Variants in FCGR3A observed in about 807,000 individuals in gnomAD.
The protein encoded by FCGR3A is low affinity immunoglobulin gamma Fc region receptor III-A.
In FCGR3A, 13 loss-of-function variants were observed where a neutral mutation model predicts 24.1. That is an observed-to-expected ratio of 0.54 (90% CI 0.35 to 0.86). The LOEUF (loss-of-function observed/expected upper bound fraction) is 0.86, where lower values mean the gene tolerates loss of function less well. Among genes scored for constraint, FCGR3A ranks in the 40% least tolerant of loss-of-function variants. The probability of loss-of-function intolerance (pLI) is 0.01; values close to 1 mark genes in which losing one functional copy is unlikely to be tolerated. For missense variants in FCGR3A, 235 were observed against 298.0 expected, an observed-to-expected ratio of 0.79 and a Z score of 1.56; for synonymous variants, 93 against 112.2, an observed-to-expected ratio of 0.83 and a Z score of 1.08.
upstream of FCGR3A, chr1:161,549,947 G>A: frequency 1.4e-6 from 2 of 1,379,932 alleles, no homozygotes; most frequent in Non-Finnish European, 2.0e-6. Context: ...GAAGGAAAGA[G>A]CCTGGAGGCA....
chr1:161,544,841 T>A lies in FCGR3A; in HGVS notation c.437A>T (p.Lys146Ile). Residue 146 changes from lysine to isoleucine, a missense_variant, in exon 4 of 5, where the codon AAA becomes ATA. Transcript: ENST00000443193. ...LHKVTYLQNG[K>I]GRKYFHHNSD... ...ATTATGATGAAAATACTTCCTGCCT[T>A]TGCCATTCTGTAAATATGTGACCTT... is the stretch of plus-strand genomic sequence containing the variant. 6.2e-7 allele frequency: 1 copy of A among 1,613,924 alleles called. No homozygotes were observed. Among genetic ancestry groups the A allele is most frequent in the Non-Finnish European group, 8.5e-7 (1 of 1,179,920 alleles).
chr1:161,546,570 G>A (rs71632960), intron 3 of FCGR3A, among the ~76,000 whole-genome samples: 4,943 of 151,988 alleles, frequency 0.033, 146 homozygotes, highest in Middle Eastern at 0.062. Context: ...AAAGGACTGC[G>A]GGGCTGACTA....
intron 3 of FCGR3A, among the ~76,000 whole-genome samples, chr1:161,548,217 A>T (rs1194596955): frequency 3.9e-5 from 6 of 152,310 alleles, no homozygotes; most frequent in African/African-American, 1.4e-4. Context: ...GCAGTCCTAT[A>T]TCTACTGTCT....
rs1171458405 is a variant in FCGR3A at position 161,549,569 on chromosome 1, T to C, written c.40+128A>G. ...ATCTTGGCTTGTCCTAGGAGCTCAA[T>C]CCACAGCTATAGATGTGGTGAGGGG... On this transcript the variant is annotated intron_variant, in intron 1 of 4. Coordinates refer to ENST00000443193, the MANE Select transcript of FCGR3A (RefSeq NM_000569.8). 1.2e-5 allele frequency: 17 copies of C among 1,477,100 alleles called. No individual in the cohort carries two copies. The East Asian group carries it at 2.2e-4, about 19-fold the overall frequency. The allele number at this position is 1,477,100 out of a possible 1,614,324, so 91.5% of individuals were successfully genotyped here.
In FCGR3A at chr1:161,544,735, C is replaced by T. The variant is rs142170746; in HGVS notation, c.543G>A (p.Val181=). Residue 181 remains valine (V), a synonymous_variant, in exon 4 of 5, where the codon GTG becomes GTA. Transcript: ENST00000443193. ...FCRGLFGSKN[V]SSETVNITIT... is the part of the protein sequence containing the mutation. ...TGGTGATGTTCACAGTCTCTGAAGA[C>T]ACATTTTTACTCCCAAAAAGCCCCC... 3 of 1,610,732 alleles carry T rather than the reference C, an allele frequency of 1.9e-6. No homozygotes were observed. In the African/African-American group the frequency reaches 4.0e-5, roughly 22 times the overall value.
chr1:161,549,969 T>C, upstream of FCGR3A: 1 of 1,092,422 alleles, frequency 9.2e-7, no homozygotes. Flanking sequence ...GGTGGGTGGG[T>C]CTGCCCCCTT....
intron 4 of FCGR3A, among the ~76,000 whole-genome samples, chr1:161,544,466 T>C (rs1360855180): frequency 1.3e-5 from 2 of 151,592 alleles, no homozygotes; most frequent in Admixed American, 1.3e-4. Flanking sequence ...CCTGCCATCA[T>C]GCTGCAGAGT....
Position 161,542,914 on chromosome 1 carries a change from C to G in FCGR3A, c.*98G>C, listed in dbSNP as rs1677183120. 9.7e-6 allele frequency: 9 copies of G among 924,142 alleles called. No individual in the cohort carries two copies. In the South Asian group the frequency reaches 1.7e-4, roughly 17 times the overall value. The allele number at this position is 924,142 out of a possible 1,614,324, so 57.2% of individuals were successfully genotyped here. ...CTGGCTCTGAGTTCTATGTTTCCTG[C>G]TGCTTGTAGAGAGGCCTGAGGATGA... is the stretch of plus-strand genomic sequence containing the variant. On this transcript the variant is annotated 3_prime_UTR_variant, in exon 5 of 5. Coordinates refer to ENST00000443193, the MANE Select transcript of FCGR3A (RefSeq NM_000569.8).
intron 1 of FCGR3A, among the ~76,000 whole-genome samples, 154 bp from the exon 2 acceptor site, chr1:161,549,185 C>A (rs572993899): frequency 6.6e-5 from 10 of 151,074 alleles, no homozygotes; most frequent in Admixed American, 4.6e-4. Flanking sequence ...TTGCTACCTG[C>A]TCTCTGGTCT....
chr1:161,546,371 C>T (rs989299791), intron 3 of FCGR3A, among the ~76,000 whole-genome samples: 4 of 151,970 alleles, frequency 2.6e-5, no homozygotes, highest in African/African-American at 9.7e-5. Context: ...AGTGAATGTC[C>T]ATATGTATAT....
chr1:161,547,057 T>C (rs1015188678), intron 3 of FCGR3A, among the ~76,000 whole-genome samples: 1 of 152,126 alleles, frequency 6.6e-6, no homozygotes, highest in Non-Finnish European at 1.5e-5. Flanking sequence ...CACAGTTTAA[T>C]ATAGCCTTGA....
chr1:161,544,897 C>A lies in FCGR3A; in HGVS notation c.381G>T (p.Arg127Ser), dbSNP rs1196307817. The change falls in exon 4 of 5, where the codon AGG (arginine) becomes AGT (serine). Residue 127 changes from arginine to serine, a missense_variant. By Grantham distance (110) the Arg-to-Ser change is moderately radical (BLOSUM62 -1). Coordinates refer to ENST00000443193, the MANE Select transcript of FCGR3A (RefSeq NM_000569.8). ...VFKEEDPIHL[R>S]CHSWKNTALH... ...GAGCAGTGTTCTTCCAGCTGTGACA[C>A]CTCAGGTGAATAGGGTCTTCCTCCT... is the stretch of plus-strand genomic sequence containing the variant. 6.2e-7 allele frequency: 1 copy of A among 1,613,538 alleles called. No individual in the cohort carries two copies. Among genetic ancestry groups the A allele is most frequent in the South Asian group, 1.1e-5 (1 of 91,018 alleles).
rs567018476 is a variant in FCGR3A, at chr1:161,544,540, A to T, written c.577+161T>A. ...AACAGAGCTGCAAACCTACCCTGCA[A>T]TCAGGGACTTTTGGGGACCTCCTGG... On this transcript the variant is annotated intron_variant, in intron 4 of 4. Transcript: ENST00000443193. Among the ~76,000 whole-genome samples, 114 of 151,138 alleles carry T rather than the reference A, an allele frequency of 7.5e-4. 2 individuals carry two copies. The highest frequency in any genetic ancestry group is 2.6e-3 in the African/African-American group (106 of 41,136).
chr1:161,542,748 T>A lies in FCGR3A; in HGVS notation c.*264A>T, dbSNP rs547220247. 5.8e-6 allele frequency: 2 copies of A among 345,714 alleles called. No individual in the cohort carries two copies. Among genetic ancestry groups the A allele is most frequent in the African/African-American group, 2.1e-5 (1 of 48,548 alleles). 21.4% of individuals were successfully genotyped at this position (345,714 alleles called of 1,614,324 possible). ...TGTTGCTTTGCTGTGAGGGAACGGT[T>A]GGGACAGAAAAAGTGTTTGTGTAGC... On this transcript the variant is annotated 3_prime_UTR_variant, in exon 5 of 5. Coordinates refer to ENST00000443193, the MANE Select transcript of FCGR3A (RefSeq NM_000569.8).
In FCGR3A at chr1:161,544,979, A is replaced by G. The variant is rs1186569431; in HGVS notation, c.320-21T>C. The G allele has an allele frequency of 2.5e-6, 4 of 1,594,794 alleles. No homozygotes were observed. The African/African-American group carries it at 5.4e-5, about 21-fold the overall frequency. ...CCAGCCTGAAAGACACAGACACCCC[A>G]GGCCCGGGAGGCCTCAGCTCTCAGT... On this transcript the variant is annotated intron_variant, in intron 3 of 4. Coordinates refer to ENST00000443193, the MANE Select transcript of FCGR3A (RefSeq NM_000569.8).
chr1:161,543,100 T>G lies in FCGR3A; in HGVS notation c.677A>C (p.Tyr226Ser). 1 of 1,613,316 alleles carries G rather than the reference T, an allele frequency of 6.2e-7. No individual in the cohort carries two copies. Among genetic ancestry groups the G allele is most frequent in the South Asian group, 1.1e-5 (1 of 91,030 alleles). The change falls in exon 5 of 5, where the codon TAT (tyrosine) becomes TCT (serine). Residue 226 changes from tyrosine to serine, a missense_variant. Tyr to Ser is a moderately radical substitution (Grantham distance 144, BLOSUM62 -2). Transcript: ENST00000443193. ...VLLFAVDTGL[Y>S]FSVKTNIRSS... is the part of the protein sequence containing the mutation. ...TCGAATGTTTGTCTTCACAGAGAAATATAGTCCTGTGTCCACTGCAAAAAG... is the reference window on the plus strand; with the variant it reads ...TCGAATGTTTGTCTTCACAGAGAAAGATAGTCCTGTGTCCACTGCAAAAAG...
In FCGR3A at chr1:161,544,760, C is replaced by T; in HGVS notation, c.518G>A (p.Arg173Lys). ...TLKDSGSYFC[R>K]GLFGSKNVSS... is the part of the protein sequence containing the mutation. ...CACATTTTTACTCCCAAAAAGCCCC[C>T]TGCAGAAGTAGGAGCCGCTGTCTTT... The change falls in exon 4 of 5, where the codon AGG becomes AAG. Residue 173 changes from arginine to lysine, a missense_variant. By Grantham distance (26) the Arg-to-Lys change is conservative. Coordinates refer to ENST00000443193, the MANE Select transcript of FCGR3A (RefSeq NM_000569.8). 1.9e-6 allele frequency: 3 copies of T among 1,613,110 alleles called. No homozygotes were observed. Among genetic ancestry groups the T allele is most frequent in the Non-Finnish European group, 2.5e-6 (3 of 1,179,232 alleles).
intron 4 of FCGR3A, among the ~76,000 whole-genome samples, chr1:161,543,691 C>T (rs1312617117): frequency 6.6e-6 from 1 of 152,204 alleles, no homozygotes; most frequent in Non-Finnish European, 1.5e-5. Context: ...GCTCTCTTTC[C>T]CTAACCACTT....
Position 161,542,259 on chromosome 1 carries a change from T to A in FCGR3A, c.*753A>T, listed in dbSNP as rs1215629220. ...ACTTGGGACAGTGACACAGGGTTTG[T>A]TCTGTACTTTCTTTTCCACCCCACC... On this transcript the variant is annotated 3_prime_UTR_variant, in exon 5 of 5. Coordinates refer to ENST00000443193, the MANE Select transcript of FCGR3A (RefSeq NM_000569.8). The A allele has an allele frequency of 2.0e-5, 3 of 152,136 alleles. No homozygotes were observed. Among genetic ancestry groups the A allele is most frequent in the Non-Finnish European group, 4.4e-5 (3 of 68,022 alleles). The allele number at this position is 152,136 out of a possible 1,614,324, so 9.4% of individuals were successfully genotyped here. A position where few individuals can be genotyped will look rare whatever the true frequency, so the allele number is the denominator to read the frequency against.
Sources: allele counts gnomAD v4.1 joint callset (sites outside exome capture counted in the v4.1 genomes callset), GRCh38; gene constraint gnomAD v4.1.1; transcripts MANE v1.5; gene names NCBI Gene and HGNC (gene_info 2026-07-23, HGNC 2026-07-21).